XYLT1: variants seen among roughly 807,000 people sequenced by gnomAD.
The protein encoded by XYLT1 is xylosyltransferase 1, also known as beta-D-xylosyltransferase 1.
A neutral mutation model predicts 91.3 loss-of-function variants in XYLT1; 36 were observed. The ratio of observed to expected loss-of-function variants is 0.39; its 90% CI spans 0.30 to 0.52. XYLT1 has a LOEUF of 0.52. Ranked by LOEUF, XYLT1 falls within the 20% of genes least tolerant of loss-of-function variation. XYLT1 has a pLI of 0.68. For missense variants in XYLT1, 1,242 were observed against 1,284.5 expected (o/e 0.97, Z 0.51); for synonymous variants, 588 against 532.0 (o/e 1.11, Z -1.45).
intron 11 of XYLT1, among the ~76,000 whole-genome samples, chr16:17,114,162 A>G (rs1966847684): frequency 6.6e-6 from 1 of 152,242 alleles, no homozygotes; most frequent in African/African-American, 2.4e-5. Flanking sequence ...TGCCCTCTGT[A>G]TAGCTTCATT....
At chr16:17,192,807 C>T (rs1373648675) in intron 5 of XYLT1, 9 of 132,166 alleles carry the variant, frequency 6.8e-5, no homozygotes, top group Non-Finnish European at 1.2e-4. Flanking sequence ...CTTTTCCCAC[C>T]CTTTTTTTTT....
rs558808719 is a variant in XYLT1, at chr16:17,436,588, G to A, written c.363+33846C>T. ...AGCTTTTAAGCTACGGGTTGGGAAC[G>A]AGGTCATTCTATAAAAATGGAAAGC... On this transcript the variant is annotated intron_variant, in intron 1 of 11. Transcript: ENST00000261381. Among the ~76,000 whole-genome samples, 871 of 152,320 alleles carry A rather than the reference G, an allele frequency of 5.7e-3. 10 individuals are homozygous for A. The highest frequency in any genetic ancestry group is 0.019 in the African/African-American group (804 of 41,570).
At chr16:17,309,262 C>T (rs2034510427) in intron 2 of XYLT1, among the ~76,000 whole-genome samples, 1 of 152,108 alleles carries the variant, frequency 6.6e-6, no homozygotes, top group Non-Finnish European at 1.5e-5. Context: ...AGCATCCGTC[C>T]CCCGTAGTTG....
intron 2 of XYLT1, among the ~76,000 whole-genome samples, chr16:17,344,284 C>T (rs947043509): frequency 6.7e-6 from 1 of 150,364 alleles, no homozygotes; most frequent in Admixed American, 6.6e-5. Context: ...AGATTGAGAC[C>T]ATCCTGGCTA....
intron 3 of XYLT1, among the ~76,000 whole-genome samples, chr16:17,232,493 C>G (rs1334320067): frequency 6.8e-6 from 1 of 146,342 alleles, no homozygotes; most frequent in Non-Finnish European, 1.5e-5. Context: ...TTCTGAATCT[C>G]AAATTAGATA....
intron 6 of XYLT1, among the ~76,000 whole-genome samples, chr16:17,153,794 C>A (rs2031340432): frequency 6.6e-6 from 1 of 152,094 alleles, no homozygotes; most frequent in South Asian, 2.1e-4. Context: ...AAAATGCTGA[C>A]CCTAGGAAGT....
chr16:17,468,810 C>T (rs2036936062), intron 1 of XYLT1, among the ~76,000 whole-genome samples: 1 of 152,178 alleles, frequency 6.6e-6, no homozygotes, highest in African/African-American at 2.4e-5. Context: ...CATGTCTCCC[C>T]TACACGTTCT....
rs987201616 is a variant in XYLT1 at position 17,107,236 on chromosome 16, C to G, written c.*1459G>C. ...CAAGTCACACAAAGCGAAGGGCAGC[C>G]CCTTCAAACCCACGCTGGAGAGAAG... On this transcript the variant is annotated 3_prime_UTR_variant, in exon 12 of 12. Coordinates refer to ENST00000261381, the MANE Select transcript of XYLT1 (RefSeq NM_022166.4). The G allele has an allele frequency of 4.6e-5, 7 of 152,172 alleles. No homozygotes were observed. The highest frequency in any genetic ancestry group is 1.4e-4 in the African/African-American group (6 of 41,436). 9.4% of individuals were successfully genotyped at this position (152,172 alleles called of 1,614,324 possible).
At chr16:17,289,791 A>G (rs1396370578) in intron 2 of XYLT1, among the ~76,000 whole-genome samples, 1 of 152,234 alleles carries the variant, frequency 6.6e-6, no homozygotes, top group Non-Finnish European at 1.5e-5. Flanking sequence ...AAACATGCAA[A>G]CAAAACAAAA....
intron 5 of XYLT1, among the ~76,000 whole-genome samples, chr16:17,160,639 C>T (rs2031526153): frequency 6.6e-6 from 1 of 152,164 alleles, no homozygotes; most frequent in Non-Finnish European, 1.5e-5. Flanking sequence ...AAAGCTAAAC[C>T]TTGCTGATGG....
intron 3 of XYLT1, among the ~76,000 whole-genome samples, chr16:17,241,668 C>A (rs2033347853): frequency 6.6e-6 from 1 of 152,172 alleles, no homozygotes; most frequent in East Asian, 1.9e-4. Context: ...TGATGGGGCA[C>A]CCCTGGGAAC....
chr16:17,168,556 G>A (rs1457760973), intron 5 of XYLT1, among the ~76,000 whole-genome samples: 3 of 151,960 alleles, frequency 2.0e-5, no homozygotes, highest in Non-Finnish European at 2.9e-5. Flanking sequence ...TACCCCTGGA[G>A]CAAACCTGCA....
intron 2 of XYLT1, among the ~76,000 whole-genome samples, chr16:17,344,077 C>A (rs12596741): frequency 2.6e-5 from 4 of 151,822 alleles, no homozygotes; most frequent in Admixed American, 6.6e-5. Context: ...CAGAGATATT[C>A]GGCAATGTCC....
intron 1 of XYLT1, among the ~76,000 whole-genome samples, chr16:17,456,332 CTTT>C (rs869026409): frequency 3.0e-4 from 34 of 114,130 alleles, no homozygotes; most frequent in African/African-American, 7.2e-4. Context: ...CAGTACAAAC[CTTT>C]TTTTTTTTTT....
chr16:17,357,530 T>C (rs995685115), intron 2 of XYLT1, among the ~76,000 whole-genome samples: 2 of 152,176 alleles, frequency 1.3e-5, no homozygotes, highest in East Asian at 3.8e-4. Flanking sequence ...GAAATGCCAC[T>C]GCAATCACAA....
intron 1 of XYLT1, among the ~76,000 whole-genome samples, chr16:17,461,884 A>T (rs564537262): frequency 6.6e-6 from 1 of 152,358 alleles, no homozygotes; most frequent in South Asian, 2.1e-4. Flanking sequence ...AACAGAAATG[A>T]AAATAATAGC....
chr16:17,268,766 G>A lies in XYLT1; in HGVS notation c.403-9268C>T, dbSNP rs567056000. ...CGGCTCACCGCAACCTCCGCTTCCCGGGTTCAAGCGATTCTCTTGTCTCAG... is the reference window on the plus strand; with the variant it reads ...CGGCTCACCGCAACCTCCGCTTCCCAGGTTCAAGCGATTCTCTTGTCTCAG... On this transcript the variant is annotated intron_variant, in intron 2 of 11. Transcript: ENST00000261381. Among the ~76,000 whole-genome samples the A allele has an allele frequency of 8.6e-5, 13 of 151,056 alleles. No homozygotes were observed. The South Asian group carries it at 1.1e-3, about 12-fold the overall frequency.
chr16:17,376,827 CAAAAAAAAAAAAA>C (rs10684824), intron 1 of XYLT1, among the ~76,000 whole-genome samples: 5 of 55,666 alleles, frequency 9.0e-5, no homozygotes, highest in Admixed American at 2.4e-4. Flanking sequence ...AACTCTGTCT[CAAAAAAAAAAAAA>C]AAAAAAAAAA....
chr16:17,453,921 C>A (rs894254117), intron 1 of XYLT1, among the ~76,000 whole-genome samples: 1 of 152,306 alleles, frequency 6.6e-6, no homozygotes, highest in South Asian at 2.1e-4. Flanking sequence ...CAGTTGACAT[C>A]GGGCTTGTTC....
Sources: allele counts gnomAD v4.1 joint callset (sites outside exome capture counted in the v4.1 genomes callset), GRCh38; gene constraint gnomAD v4.1.1; transcripts MANE v1.5; gene names NCBI Gene and HGNC (gene_info 2026-07-23, HGNC 2026-07-21).